Variants in L3MBTL4 observed in about 807,000 individuals in gnomAD.
L3MBTL4 encodes L3MBTL histone methyl-lysine binding protein 4.
A neutral mutation model predicts 84.5 loss-of-function variants in L3MBTL4; 70 were observed. The observed-to-expected ratio is 0.83, with a 90% confidence interval of 0.68 to 1.01. The LOEUF (loss-of-function observed/expected upper bound fraction) is 1.01, where lower values mean the gene tolerates loss of function less well. Ranked by LOEUF, L3MBTL4 falls within the 50% of genes least tolerant of loss-of-function variation. The pLI, the probability that L3MBTL4 is intolerant of heterozygous loss-of-function variation, is 0.00. For synonymous variants in L3MBTL4, 274 were observed against 259.8 expected, an observed-to-expected ratio of 1.05 and a Z score of -0.52; for missense variants, 715 against 754.8, an observed-to-expected ratio of 0.95 and a Z score of 0.62.
chr18:6,107,982 A>G (rs2059065480), intron 14 of L3MBTL4, among the ~76,000 whole-genome samples: 1 of 152,158 alleles, frequency 6.6e-6, no homozygotes, highest in African/African-American at 2.4e-5. Context: ...AGCTCCCCCA[A>G]AAATCGCGTG....
intron 3 of L3MBTL4, among the ~76,000 whole-genome samples, chr18:6,307,633 A>G (rs1288972761): frequency 6.6e-6 from 1 of 152,160 alleles, no homozygotes; most frequent in Non-Finnish European, 1.5e-5. Flanking sequence ...CAAATGGGCT[A>G]CATATGTACT....
intron 1 of L3MBTL4, among the ~76,000 whole-genome samples, chr18:6,323,490 A>C (rs564378498): frequency 1.2e-3 from 177 of 152,346 alleles, no homozygotes; most frequent in Non-Finnish European, 1.3e-3. Context: ...AGTTATTGGG[A>C]AATGAAGCAA....
At chr18:6,234,461 A>T (rs1339035004) in intron 10 of L3MBTL4, among the ~76,000 whole-genome samples, 1 of 152,216 alleles carries the variant, frequency 6.6e-6, no homozygotes, top group Non-Finnish European at 1.5e-5. Flanking sequence ...AACTCAAACA[A>T]ATTTACAAGA....
chr18:6,213,705 C>A (rs944659706), intron 11 of L3MBTL4, among the ~76,000 whole-genome samples: 1 of 152,174 alleles, frequency 6.6e-6, no homozygotes, highest in African/African-American at 2.4e-5. Context: ...AGCCATCATG[C>A]CCAGCCAGAA....
At chr18:6,187,008 G>A (rs1450096391) in intron 12 of L3MBTL4, among the ~76,000 whole-genome samples, 1 of 152,166 alleles carries the variant, frequency 6.6e-6, no homozygotes, top group Non-Finnish European at 1.5e-5. Flanking sequence ...CATGGAGACG[G>A]GGCAGGTGGA....
At chr18:6,140,834 C>T (rs2060175585) in intron 13 of L3MBTL4, among the ~76,000 whole-genome samples, 1 of 152,024 alleles carries the variant, frequency 6.6e-6, no homozygotes, top group Non-Finnish European at 1.5e-5. Context: ...CTGTTCCCTG[C>T]TTCTTGTTCA....
At chr18:6,074,194 C>T (rs186057020) in intron 16 of L3MBTL4, among the ~76,000 whole-genome samples, 3 of 152,274 alleles carry the variant, frequency 2.0e-5, no homozygotes, top group South Asian at 2.1e-4. Flanking sequence ...CCTGGCCGCA[C>T]GTCTAGAATC....
chr18:6,366,956 G>C (rs2053961398), intron 1 of L3MBTL4, among the ~76,000 whole-genome samples: 1 of 152,230 alleles, frequency 6.6e-6, no homozygotes, highest in African/African-American at 2.4e-5. Context: ...AGGAGCAGCA[G>C]CAGTGCCTGG....
At chr18:6,014,750 C>A (rs541476611) in intron 16 of L3MBTL4, among the ~76,000 whole-genome samples, 2 of 152,080 alleles carry the variant, frequency 1.3e-5, no homozygotes, top group Non-Finnish European at 2.9e-5. Context: ...GAAAACTTGA[C>A]CTTACCCCAA....
intron 1 of L3MBTL4, among the ~76,000 whole-genome samples, chr18:6,346,227 G>T (rs80323996): frequency 1.3e-4 from 19 of 151,012 alleles, no homozygotes; most frequent in African/African-American, 4.6e-4. Context: ...ACCTGAAACT[G>T]TAAAACTGGT....
At chr18:6,170,432 A>G (rs1427565620) in intron 13 of L3MBTL4, among the ~76,000 whole-genome samples, 1 of 152,150 alleles carries the variant, frequency 6.6e-6, no homozygotes, top group Admixed American at 6.5e-5. Flanking sequence ...GACTGTTTAT[A>G]TGTGTGGGTT....
At chr18:6,041,781 A>G (rs1348723302) in intron 16 of L3MBTL4, among the ~76,000 whole-genome samples, 3 of 151,992 alleles carry the variant, frequency 2.0e-5, no homozygotes, top group Non-Finnish European at 4.4e-5. Flanking sequence ...CGGGAGTTCA[A>G]TGGCACAACT....
At position 6,196,157 on chromosome 18, in the gene L3MBTL4, C is replaced by CTTTTT. The variant is rs71370547; in HGVS notation, c.981+16987_981+16991dup. On this transcript the variant is annotated intron_variant, in intron 12 of 18. Transcript: ENST00000317931. ...TCATTTGTGCCTATCTAGAGTTCCT[C>CTTTTT]TTTTTTTTTTTTTTTTTTGAGACTG... Among the ~76,000 whole-genome samples the CTTTTT allele has an allele frequency of 4.5e-3, 589 of 130,164 alleles. 25 individuals carry two copies. The highest frequency in any genetic ancestry group is 0.018 in the African/African-American group (546 of 30,506). 85.4% of individuals were successfully genotyped at this position (130,164 alleles called of 152,430 possible). A position where few individuals can be genotyped will look rare whatever the true frequency, so the allele number is the denominator to read the frequency against.
intron 16 of L3MBTL4, among the ~76,000 whole-genome samples, chr18:5,987,359 C>A (rs1433242395): frequency 6.6e-6 from 1 of 152,270 alleles, no homozygotes; most frequent in African/African-American, 2.4e-5. Flanking sequence ...CACTTTTGCA[C>A]TGTCCCCTCC....
chr18:6,284,542 C>G (rs931214545), intron 4 of L3MBTL4, among the ~76,000 whole-genome samples: 1 of 152,230 alleles, frequency 6.6e-6, no homozygotes, highest in Non-Finnish European at 1.5e-5. Flanking sequence ...GGCTCCCACA[C>G]CGCCGCAGCG....
intron 10 of L3MBTL4, among the ~76,000 whole-genome samples, chr18:6,216,318 A>G (rs1384888388): frequency 6.6e-6 from 1 of 152,204 alleles, no homozygotes; most frequent in East Asian, 1.9e-4. Context: ...ATTTCCTAAA[A>G]TTGCAGTTAA....
chr18:6,020,769 G>A (rs932587234), intron 16 of L3MBTL4, among the ~76,000 whole-genome samples: 44 of 152,270 alleles, frequency 2.9e-4, no homozygotes, highest in African/African-American at 8.4e-4. Flanking sequence ...TTAGATGGTG[G>A]AGCCATTTTC....
At chr18:6,355,675 G>A (rs1447122586) in intron 1 of L3MBTL4, among the ~76,000 whole-genome samples, 1 of 152,008 alleles carries the variant, frequency 6.6e-6, no homozygotes, top group East Asian at 1.9e-4. Context: ...GCTTCAATAA[G>A]TTCATCTCAA....
intron 14 of L3MBTL4, among the ~76,000 whole-genome samples, chr18:6,116,367 T>G (rs1451284829): frequency 2.0e-5 from 3 of 150,202 alleles, no homozygotes; most frequent in Non-Finnish European, 1.5e-5. Context: ...TGGTTTTTTT[T>G]TTTTTTTTTT....
Sources: allele counts gnomAD v4.1 joint callset (sites outside exome capture counted in the v4.1 genomes callset), GRCh38; gene constraint gnomAD v4.1.1; transcripts MANE v1.5; gene names NCBI Gene and HGNC (gene_info 2026-07-23, HGNC 2026-07-21).